The following TLCD4 variants were observed in gnomAD, a reference collection of about 807,000 sequenced individuals.
TLCD4 encodes the protein TLC domain-containing protein 4.
In TLCD4, 7 loss-of-function variants were observed where a neutral mutation model predicts 24.2. That is an observed-to-expected ratio of 0.29 (90% confidence interval 0.16 to 0.54). The LOEUF is 0.54. Among genes scored for constraint, TLCD4 ranks in the 20% least tolerant of loss-of-function variants. The pLI, the probability that TLCD4 is intolerant of heterozygous loss-of-function variation, is 0.95. For synonymous variants in TLCD4, 103 were observed against 106.4 expected (o/e 0.97, Z 0.20); for missense variants, 259 against 313.9 (o/e 0.82, Z 1.32).
chr1:95,152,292 C>T (rs1350472995), intron 5 of TLCD4, among the ~76,000 whole-genome samples: 1 of 151,892 alleles, frequency 6.6e-6, no homozygotes, highest in African/African-American at 2.4e-5. Context: ...AGTGAATTCC[C>T]AGGTCATTTT....
chr1:95,112,702 T>C (rs1021051306), upstream of TLCD4, among the ~76,000 whole-genome samples: 2 of 152,164 alleles, frequency 1.3e-5, no homozygotes, highest in African/African-American at 2.4e-5. Flanking sequence ...GCAAGTACTC[T>C]AAAAATTTAC....
intron 5 of TLCD4, 25 bp from the exon 6 acceptor site, chr1:95,173,791 G>A (rs1330287290): frequency 3.7e-6 from 6 of 1,613,680 alleles, no homozygotes; most frequent in South Asian, 1.1e-5. Context: ...TATCCTTGAC[G>A]TTGTGTTTTA....
intron 5 of TLCD4, among the ~76,000 whole-genome samples, chr1:95,160,321 G>A (rs1176119850): frequency 6.6e-6 from 1 of 152,188 alleles, no homozygotes; most frequent in African/African-American, 2.4e-5. Flanking sequence ...TGTTATTGGT[G>A]TATAGGAATG....
intron 5 of TLCD4, among the ~76,000 whole-genome samples, chr1:95,166,535 G>A (rs1678022016): frequency 1.3e-5 from 2 of 152,142 alleles, no homozygotes; most frequent in Admixed American, 6.6e-5. Flanking sequence ...TAAAATAGCA[G>A]TGTTCATTAG....
At chr1:95,131,088 A>G (rs1268488844) in intron 1 of TLCD4, among the ~76,000 whole-genome samples, 1 of 152,208 alleles carries the variant, frequency 6.6e-6, no homozygotes, top group Non-Finnish European at 1.5e-5. Context: ...CATAAATTAC[A>G]TGGAAGACAT....
In TLCD4 at chr1:95,143,837, TTACTC is replaced by T. The variant is rs1358667836; in HGVS notation, c.-11-51_-11-47del. ...AGACATATTTCTTAAAATAAAAAAA[TTACTC>T]TAGGTTTATTATGAGACAACAATTT... is the stretch of plus-strand genomic sequence containing the variant. On this transcript the variant is annotated intron_variant, in intron 1 of 6. Transcript: ENST00000370203. 7.6e-6 allele frequency: 10 copies of T among 1,309,270 alleles called. No individual in the cohort carries two copies. In the African/African-American group the frequency reaches 1.2e-4, roughly 16 times the overall value. The allele number at this position is 1,309,270 out of a possible 1,614,324, so 81.1% of individuals were successfully genotyped here.
intron 5 of TLCD4, among the ~76,000 whole-genome samples, chr1:95,157,200 A>G (rs1392656544): frequency 2.6e-5 from 4 of 152,208 alleles, no homozygotes; most frequent in African/African-American, 9.6e-5. Flanking sequence ...CTCACAACCT[A>G]TATAATTATA....
chr1:95,141,571 A>C (rs968147107), intron 1 of TLCD4, among the ~76,000 whole-genome samples: 8 of 152,074 alleles, frequency 5.3e-5, no homozygotes, highest in African/African-American at 1.7e-4. Context: ...ATCTTAGAAA[A>C]GCATTATTCT....
At chr1:95,127,756 C>T (rs182006815) in intron 1 of TLCD4, among the ~76,000 whole-genome samples, 1 of 152,286 alleles carries the variant, frequency 6.6e-6, no homozygotes, top group Non-Finnish European at 1.5e-5. Context: ...GGCTGGAGTC[C>T]AGTGTTTTGT....
At chr1:95,139,851 C>T (rs999320774) in intron 1 of TLCD4, among the ~76,000 whole-genome samples, 4 of 152,130 alleles carry the variant, frequency 2.6e-5, no homozygotes, top group Admixed American at 2.6e-4. Context: ...TATAAGCTTT[C>T]TTCTATTTTT....
the TLCD4 span, among the ~76,000 whole-genome samples, chr1:95,109,954 T>TAC: frequency 6.6e-3 from 455 of 68,448 alleles, 15 homozygotes; most frequent in Non-Finnish European, 0.01. Context: ...TATATATATA[T>TAC]ATATACACAC....
At chr1:95,134,091 C>T (rs185331010) in intron 1 of TLCD4, among the ~76,000 whole-genome samples, 6 of 151,892 alleles carry the variant, frequency 4.0e-5, no homozygotes, top group Non-Finnish European at 7.4e-5. Flanking sequence ...ATACTTGAAG[C>T]GTTATTTTCG....
intron 5 of TLCD4, among the ~76,000 whole-genome samples, chr1:95,154,087 A>G (rs1677565275): frequency 6.6e-6 from 1 of 152,186 alleles, no homozygotes; most frequent in Admixed American, 6.5e-5. Flanking sequence ...AGCTTTAGGT[A>G]GGAGCTTGCA....
intron 1 of TLCD4, among the ~76,000 whole-genome samples, chr1:95,131,814 A>C (rs1341540131): frequency 1.3e-5 from 2 of 152,206 alleles, no homozygotes; most frequent in African/African-American, 4.8e-5. Context: ...TGTCCCCATC[A>C]AAACTCATGT....
At chr1:95,103,294 G>A in the TLCD4 span, among the ~76,000 whole-genome samples, 1 of 152,006 alleles carries the variant, frequency 6.6e-6, no homozygotes, top group Non-Finnish European at 1.5e-5. Context: ...AACTACTTTA[G>A]GTAGGCAGTG....
intron 4 of TLCD4, 58 bp from the exon 5 acceptor site, chr1:95,151,267 T>A (rs1677483627): frequency 6.4e-7 from 1 of 1,568,082 alleles, no homozygotes; most frequent in Non-Finnish European, 8.8e-7. Flanking sequence ...TCAATACATT[T>A]GAAAAACAGT....
intron 6 of TLCD4, among the ~76,000 whole-genome samples, chr1:95,174,507 C>CAAAAA (rs141819142): frequency 1.2e-5 from 1 of 85,870 alleles, no homozygotes; most frequent in Non-Finnish European, 2.2e-5. Context: ...CCCATCCCTA[C>CAAAAA]AAAAAAAAAA....
At chr1:95,191,430 A>G in intron 6 of TLCD4, 120 bp from the exon 7 acceptor site, 2 of 1,259,106 alleles carry the variant, frequency 1.6e-6, no homozygotes, top group Non-Finnish European at 2.1e-6. Context: ...AGCATTGCGT[A>G]TGCTATTCTA....
the TLCD4 span, among the ~76,000 whole-genome samples, chr1:95,094,019 C>T: frequency 2.0e-5 from 3 of 152,216 alleles, no homozygotes; most frequent in South Asian, 2.1e-4. Context: ...CTTGTTTTGA[C>T]CAAAAAAATG....
Sources: gnomAD v4.1 joint callset for allele counts (sites outside exome capture counted in the v4.1 genomes callset) on GRCh38, gnomAD v4.1.1 for gene constraint, MANE v1.5 for transcripts, NCBI Gene and HGNC (gene_info 2026-07-23, HGNC 2026-07-21) for gene names.